Variants in LRP5 observed in about 807,000 individuals in gnomAD.
The protein encoded by LRP5 is low-density lipoprotein receptor-related protein 5.
In LRP5, 62 loss-of-function variants were observed where a neutral mutation model predicts 154.1. The ratio of observed to expected loss-of-function variants is 0.40; its 90% confidence interval spans 0.33 to 0.50. The LOEUF is 0.50. Among genes scored for constraint, LRP5 ranks in the 20% least tolerant of loss-of-function variants. The pLI is 0.55. For synonymous variants in LRP5, 966 were observed against 1,011.5 expected (o/e 0.96, Z 0.85); for missense variants, 1,915 against 2,336.7 (o/e 0.82, Z 3.72).
intron 5 of LRP5, among the ~76,000 whole-genome samples, chr11:68,365,967 C>T (rs2098630846): frequency 6.6e-6 from 1 of 152,162 alleles, no homozygotes; most frequent in Non-Finnish European, 1.5e-5. Flanking sequence ...CGCCTTGGTC[C>T]TCAGGCACTT....
At position 68,416,376 on chromosome 11, in the gene LRP5, T is replaced by A; in HGVS notation, c.2876T>A (p.Met959Lys). 6.2e-7 allele frequency: 1 copy of A among 1,614,206 alleles called. No homozygotes were observed. Among genetic ancestry groups the A allele is most frequent in the Non-Finnish European group, 8.5e-7 (1 of 1,180,046 alleles). The stretch of plus-strand genomic sequence containing the variant: ...AGCCAGAAATCTGCCATCAGTCGGA[T>A]GATCCCGGACGACCAGCACAGCCCG... ...LFSQKSAISR[M>K]IPDDQHSPDL... Residue 959 changes from methionine (M) to lysine (K), a missense_variant, in exon 13 of 23, where the codon ATG becomes AAG. Met to Lys is a moderately conservative substitution (Grantham distance 95). Coordinates refer to ENST00000294304, the MANE Select transcript of LRP5 (RefSeq NM_002335.4).
the LRP5 span, among the ~76,000 whole-genome samples, chr11:68,302,207 C>T: frequency 4.6e-5 from 7 of 151,624 alleles, no homozygotes; most frequent in African/African-American, 1.2e-4. Context: ...ATTAGCTGGG[C>T]GTGGTGGTGC....
intron 7 of LRP5, 123 bp downstream of exon 7, chr11:68,390,175 C>A: frequency 1.7e-6 from 2 of 1,207,178 alleles, no homozygotes; most frequent in Non-Finnish European, 2.4e-6. Context: ...ACATGGAATG[C>A]TTGAGAAAAT....
chr11:68,409,873 G>T, intron 9 of LRP5, 41 bp from the exon 10 acceptor site: 2 of 1,425,090 alleles, frequency 1.4e-6, no homozygotes, highest in African/African-American at 1.4e-5. Context: ...AAAGATGCTG[G>T]TTCCTAAAAT....
chr11:68,299,958 C>T, the LRP5 span, among the ~76,000 whole-genome samples: 1 of 148,654 alleles, frequency 6.7e-6, no homozygotes, highest in Non-Finnish European at 1.5e-5. Context: ...AGTGGAGTGG[C>T]GCGATCTTGG....
intron 7 of LRP5, among the ~76,000 whole-genome samples, chr11:68,391,986 C>T (rs1003739288): frequency 6.6e-6 from 1 of 152,138 alleles, no homozygotes; most frequent in African/African-American, 2.4e-5. Context: ...GGACTACAGA[C>T]ACATACCACC....
intron 1 of LRP5, among the ~76,000 whole-genome samples, chr11:68,333,097 G>C (rs913492519): frequency 6.6e-6 from 1 of 152,190 alleles, no homozygotes; most frequent in African/African-American, 2.4e-5. Context: ...CAAAATTGCG[G>C]TCATCGTAGC....
chr11:68,410,294 G>C lies in LRP5; in HGVS notation c.2318+154G>C, dbSNP rs529521839. ...CCTTGATGGTGGCCAGGACTGGTAG[G>C]GCCCTCAGAGGTCATGGAGTTCCTT... On this transcript the variant is annotated intron_variant, in intron 10 of 22. Transcript: ENST00000294304. 2.6e-5 allele frequency among the ~76,000 whole-genome samples: 4 copies of C among 152,328 alleles called. No individual in the cohort carries two copies. In the East Asian group the frequency reaches 7.7e-4, roughly 29 times the overall value.
At chr11:68,329,063 T>C (rs142649229) in intron 1 of LRP5, among the ~76,000 whole-genome samples, 166 of 152,318 alleles carry the variant, frequency 1.1e-3, no homozygotes, top group African/African-American at 3.8e-3. Flanking sequence ...CTTAGTTGGA[T>C]TTGAAGGACA....
rs2098589050 is a variant in LRP5, at chr11:68,312,642, C to T, written c.-73C>T. On this transcript the variant is annotated 5_prime_UTR_variant, in exon 1 of 23. Coordinates refer to ENST00000294304, the MANE Select transcript of LRP5 (RefSeq NM_002335.4). ...GGGGAGGCGGAGGCGCCGGGAGCCG[C>T]GCGAGGAGCCGCCGCCGCCGCGCCA... 1.5e-6 allele frequency: 1 copy of T among 686,048 alleles called. No homozygotes were observed. Among genetic ancestry groups the T allele is most frequent in the Non-Finnish European group, 1.8e-6 (1 of 556,254 alleles). The allele number at this position is 686,048 out of a possible 1,614,324, so 42.5% of individuals were successfully genotyped here. A position where few individuals can be genotyped will look rare whatever the true frequency, so the allele number is the denominator to read the frequency against.
At chr11:68,319,970 C>T (rs1471816088) in intron 1 of LRP5, among the ~76,000 whole-genome samples, 1 of 151,968 alleles carries the variant, frequency 6.6e-6, no homozygotes, top group South Asian at 2.1e-4. Context: ...CCAGCCTGGG[C>T]AAAATTGGGA....
intron 3 of LRP5, among the ~76,000 whole-genome samples, chr11:68,361,745 T>C (rs2098628257): frequency 6.6e-6 from 1 of 151,244 alleles, no homozygotes; most frequent in African/African-American, 2.4e-5. Flanking sequence ...TGGATTGAGC[T>C]TAGGAGATTG....
At chr11:68,313,083 T>G (rs1365116692) in intron 1 of LRP5, among the ~76,000 whole-genome samples, 1 of 146,278 alleles carries the variant, frequency 6.8e-6, no homozygotes, top group Non-Finnish European at 1.5e-5. Flanking sequence ...GGTCCTCACC[T>G]GCCCGAGCCC....
At position 68,436,876 on chromosome 11, in the gene LRP5, C is replaced by A. The variant is rs766162608; in HGVS notation, c.4001-13C>A. 6.8e-6 allele frequency: 11 copies of A among 1,606,842 alleles called. No homozygotes were observed. Among genetic ancestry groups the A allele is most frequent in the Non-Finnish European group, 9.4e-6 (11 of 1,173,894 alleles). ...CCCTCCAGCCTCTCTGAGTGCATGGCCTCTCCTTGCAGCCATCTGCCTGCC... is the reference window on the plus strand; with the variant it reads ...CCCTCCAGCCTCTCTGAGTGCATGGACTCTCCTTGCAGCCATCTGCCTGCC... On this transcript the variant is annotated splice_polypyrimidine_tract_variant and intron_variant, in intron 18 of 22. Transcript: ENST00000294304.
Position 68,329,795 on chromosome 11 carries a change from C to T in LRP5, c.91+16990C>T, listed in dbSNP as rs11228206. On this transcript the variant is annotated intron_variant, in intron 1 of 22. Transcript: ENST00000294304. ...CTGACTGACACCCCTGAGTCAGTCTCCACCCTGGAACTGTTTCTCTCACTA... is the reference window on the plus strand; with the variant it reads ...CTGACTGACACCCCTGAGTCAGTCTTCACCCTGGAACTGTTTCTCTCACTA... 2.5e-3 allele frequency among the ~76,000 whole-genome samples: 384 copies of T among 152,328 alleles called. 9 individuals carry two copies. In the East Asian group the frequency reaches 0.043, roughly 17 times the overall value.
chr11:68,361,595 C>G (rs1041299718), intron 3 of LRP5, among the ~76,000 whole-genome samples: 1 of 152,040 alleles, frequency 6.6e-6, no homozygotes, highest in Non-Finnish European at 1.5e-5. Flanking sequence ...TGAGATGGCA[C>G]CACTGCACTC....
rs371246928 is a variant in LRP5, at chr11:68,357,637, G to A, written c.489-13G>A. On this transcript the variant is annotated splice_polypyrimidine_tract_variant and intron_variant, in intron 2 of 22. Coordinates refer to ENST00000294304, the MANE Select transcript of LRP5 (RefSeq NM_002335.4). The stretch of plus-strand genomic sequence containing the variant: ...CTGTGTTAGCTGCTTCTCTTGCCCT[G>A]CCCCCGTCACAGGTACATGTACTGG... The A allele has an allele frequency of 1.4e-5, 23 of 1,612,618 alleles. No individual in the cohort carries two copies. Among genetic ancestry groups the A allele is most frequent in the Non-Finnish European group, 1.5e-5 (18 of 1,179,260 alleles).
chr11:68,329,927 G>A (rs2098601786), intron 1 of LRP5, among the ~76,000 whole-genome samples: 1 of 152,242 alleles, frequency 6.6e-6, no homozygotes, highest in Admixed American at 6.5e-5. Flanking sequence ...AAGAATGTTA[G>A]TAATGGGCTG....
At chr11:68,444,285 C>T (rs183658493) in intron 21 of LRP5, among the ~76,000 whole-genome samples, 2 of 152,010 alleles carry the variant, frequency 1.3e-5, no homozygotes, top group East Asian at 1.9e-4. Context: ...GAGACCAAGG[C>T]GGGTGGATCA....
Sources: allele counts gnomAD v4.1 joint callset (sites outside exome capture counted in the v4.1 genomes callset), GRCh38; gene constraint gnomAD v4.1.1; transcripts MANE v1.5; gene names NCBI Gene and HGNC (gene_info 2026-07-23, HGNC 2026-07-21).